Variants in SLC39A11 observed in about 807,000 individuals in gnomAD.
SLC39A11 encodes the protein zinc transporter ZIP11.
A neutral mutation model predicts 36.1 loss-of-function variants in SLC39A11; 33 were observed. That is an observed-to-expected ratio of 0.91 (90% CI 0.69 to 1.22). The LOEUF (loss-of-function observed/expected upper bound fraction) is 1.22. SLC39A11 is among the 50% of genes most tolerant of loss of function. The probability of loss-of-function intolerance (pLI) is 0.00; values close to 1 mark genes in which losing one functional copy is unlikely to be tolerated. For missense variants in SLC39A11, 432 were observed against 430.3 expected, an observed-to-expected ratio of 1.00 and a Z score of -0.03; for synonymous variants, 166 against 170.3, an observed-to-expected ratio of 0.97 and a Z score of 0.20.
chr17:72,944,061 C>T (rs540102764), intron 5 of SLC39A11, among the ~76,000 whole-genome samples: 18 of 152,244 alleles, frequency 1.2e-4, no homozygotes, highest in South Asian at 6.2e-4. Context: ...TGCCTCCTAA[C>T]GTCACCTCAT....
intron 6 of SLC39A11, among the ~76,000 whole-genome samples, chr17:72,837,138 C>T (rs1376509688): frequency 6.6e-6 from 1 of 152,112 alleles, no homozygotes. Context: ...GCTCACATCA[C>T]CAATGTCAGC....
intron 5 of SLC39A11, among the ~76,000 whole-genome samples, chr17:72,923,928 T>C (rs1400534460): frequency 1.3e-5 from 2 of 152,034 alleles, no homozygotes; most frequent in East Asian, 3.9e-4. Context: ...GCTGATCTTT[T>C]GAGCCCAGGA....
intron 7 of SLC39A11, among the ~76,000 whole-genome samples, chr17:72,662,801 AAG>A (rs2070531258): frequency 6.6e-6 from 1 of 151,946 alleles, no homozygotes; most frequent in African/African-American, 2.4e-5. Context: ...GGAGGGAAGA[AAG>A]AGAAGAAAGA....
chr17:73,043,478 A>G (rs1241024778), intron 3 of SLC39A11, among the ~76,000 whole-genome samples: 1 of 152,176 alleles, frequency 6.6e-6, no homozygotes, highest in African/African-American at 2.4e-5. Context: ...GGGCAGGGGT[A>G]TGGACACTGT....
intron 7 of SLC39A11, among the ~76,000 whole-genome samples, chr17:72,658,497 G>A (rs111731699): frequency 3.3e-5 from 5 of 152,294 alleles, no homozygotes; most frequent in Admixed American, 6.5e-5. Context: ...ACCCTGTTTC[G>A]CCCCAGGGGC....
intron 3 of SLC39A11, among the ~76,000 whole-genome samples, chr17:73,057,774 C>T (rs942029042): frequency 1.3e-5 from 2 of 152,128 alleles, no homozygotes; most frequent in South Asian, 2.1e-4. Context: ...CCTGTCTCTA[C>T]AAAAATACGA....
At chr17:72,957,449 C>T (rs1187182190) in intron 4 of SLC39A11, among the ~76,000 whole-genome samples, 1 of 152,214 alleles carries the variant, frequency 6.6e-6, no homozygotes, top group African/African-American at 2.4e-5. Context: ...AACTCAATCT[C>T]ATTCACTTAA....
At chr17:73,020,061 T>C (rs1343605081) in intron 4 of SLC39A11, among the ~76,000 whole-genome samples, 1 of 152,222 alleles carries the variant, frequency 6.6e-6, no homozygotes, top group Non-Finnish European at 1.5e-5. Flanking sequence ...TCCTTCTATC[T>C]AGAAAAGTGT....
intron 5 of SLC39A11, among the ~76,000 whole-genome samples, chr17:72,941,881 T>C (rs1050911293): frequency 6.6e-6 from 1 of 150,916 alleles, no homozygotes; most frequent in African/African-American, 2.4e-5. Context: ...TATTTATTTA[T>C]TTATTTATTT....
chr17:72,743,517 G>A (rs916750840), intron 6 of SLC39A11, among the ~76,000 whole-genome samples: 7 of 152,100 alleles, frequency 4.6e-5, no homozygotes, highest in African/African-American at 1.7e-4. Context: ...ACAACTCCAC[G>A]CTGCCTTAGG....
At chr17:73,024,509 G>A (rs1300419817) in intron 4 of SLC39A11, among the ~76,000 whole-genome samples, 3 of 152,092 alleles carry the variant, frequency 2.0e-5, no homozygotes, top group African/African-American at 7.2e-5. Flanking sequence ...AATTCCCTAA[G>A]ATATTCTTTC....
In SLC39A11 at chr17:73,029,118, ACACAC is replaced by A. The variant is rs1568151903; in HGVS notation, c.306+2433_306+2437del. On this transcript the variant is annotated intron_variant, in intron 4 of 9. Transcript: ENST00000255559. ...GGGTGACAGAGTGAGACGCCGTCACACACACACAAAAAAAAATTACTGCTGCATAG... is the reference window on the plus strand; with the variant it reads ...GGGTGACAGAGTGAGACGCCGTCACAACAAAAAAAAATTACTGCTGCATAG... Among the ~76,000 whole-genome samples, 9 of 145,162 alleles carry A rather than the reference ACACAC, an allele frequency of 6.2e-5. 1 individual carries two copies. The highest frequency in any genetic ancestry group is 1.0e-4 in the African/African-American group (4 of 39,988).
chr17:72,854,375 G>A (rs570903451), intron 5 of SLC39A11, among the ~76,000 whole-genome samples: 112 of 152,206 alleles, frequency 7.4e-4, no homozygotes, highest in African/African-American at 2.6e-3. Flanking sequence ...AAGGTAGTGG[G>A]AGCAGTTGCT....
In SLC39A11 at chr17:73,026,517, C is replaced by CAAAAAA. The variant is rs548390962; in HGVS notation, c.306+5033_306+5038dup. ...CTGGGCAACAAGAGCGAAACTACAT[C>CAAAAAA]AAAAAAAAAAAAAAAAAGAAAGAAA... is the stretch of plus-strand genomic sequence containing the variant. On this transcript the variant is annotated intron_variant, in intron 4 of 9. Transcript: ENST00000255559. Among the ~76,000 whole-genome samples the CAAAAAA allele has an allele frequency of 1.1e-4, 8 of 75,568 alleles. No homozygotes were observed. The South Asian group carries it at 3.0e-3, about 29-fold the overall frequency. 49.6% of individuals were successfully genotyped at this position (75,568 alleles called of 152,430 possible).
intron 3 of SLC39A11, chr17:73,068,210 G>T: frequency 9.6e-7 from 1 of 1,038,178 alleles, no homozygotes; most frequent in Non-Finnish European, 1.4e-6. Flanking sequence ...GGTTGTTTCT[G>T]GGGAGACCTC....
chr17:72,866,435 T>C (rs931520841), intron 5 of SLC39A11, among the ~76,000 whole-genome samples: 7 of 152,208 alleles, frequency 4.6e-5, no homozygotes, highest in Non-Finnish European at 4.4e-5. Flanking sequence ...ACAATAAATG[T>C]AATGTGTGTG....
At chr17:73,036,790 C>G (rs1463658338) in intron 3 of SLC39A11, among the ~76,000 whole-genome samples, 2 of 152,144 alleles carry the variant, frequency 1.3e-5, no homozygotes, top group Admixed American at 6.5e-5. Context: ...GCTATACATT[C>G]CATGGATTTT....
intron 5 of SLC39A11, among the ~76,000 whole-genome samples, chr17:72,921,081 G>A (rs903625662): frequency 1.3e-5 from 2 of 152,116 alleles, no homozygotes; most frequent in African/African-American, 4.8e-5. Context: ...TTGATAGGCT[G>A]GCTACTACAG....
intron 4 of SLC39A11, among the ~76,000 whole-genome samples, chr17:72,955,143 T>C (rs1598580269): frequency 6.6e-6 from 1 of 152,244 alleles, no homozygotes. Context: ...AAGCTTTGAA[T>C]TATTCTACAC....
Sources: gnomAD v4.1 joint callset for allele counts (sites outside exome capture counted in the v4.1 genomes callset) on GRCh38, gnomAD v4.1.1 for gene constraint, MANE v1.5 for transcripts, NCBI Gene and HGNC (gene_info 2026-07-23, HGNC 2026-07-21) for gene names.